NRIP3: variants seen among roughly 807,000 people sequenced by gnomAD.
The protein encoded by NRIP3 is nuclear receptor-interacting protein 3.
In NRIP3, 31 loss-of-function variants were observed where a neutral mutation model predicts 29.0. The ratio of observed to expected loss-of-function variants is 1.07; its 90% CI spans 0.80 to 1.44. NRIP3 has a LOEUF of 1.44. NRIP3 is among the 40% of genes most tolerant of loss of function. The pLI is 0.00. For missense variants in NRIP3, 314 were observed against 297.9 expected (o/e 1.05, Z -0.40); for synonymous variants, 131 against 118.3 (o/e 1.11, Z -0.70).
At chr11:8,984,262 ATTT>A (rs1054718442) in intron 4 of NRIP3, 138 bp from the exon 5 acceptor site, 5 of 487,082 alleles carry the variant, frequency 1.0e-5, no homozygotes, top group Non-Finnish European at 1.8e-5. Context: ...TTTTTTTTTT[ATTT>A]TTTTTTTATT....
Position 8,982,959 on chromosome 11 carries a change from C to T in NRIP3, c.*586G>A, listed in dbSNP as rs913833328. 6.6e-6 allele frequency: 3 copies of T among 456,286 alleles called. No homozygotes were observed. The highest frequency in any genetic ancestry group is 8.8e-6 in the Non-Finnish European group (2 of 226,926). The allele number at this position is 456,286 out of a possible 1,614,324, so 28.3% of individuals were successfully genotyped here. The stretch of plus-strand genomic sequence containing the variant: ...GTTCTTGGTCCCTTCAGTCACTGAC[C>T]TAATATATGAACTTAGACAATTCAC... On this transcript the variant is annotated 3_prime_UTR_variant, in exon 7 of 7. Transcript: ENST00000309166.
chr11:8,984,103 G>A lies in NRIP3; in HGVS notation c.584C>T (p.Ser195Phe). Residue 195 changes from serine (S) to phenylalanine (F), a missense_variant, in exon 5 of 7, where the codon TCC (serine) becomes TTC (phenylalanine). Ser to Phe is a radical substitution (Grantham distance 155). Coordinates refer to ENST00000309166, the MANE Select transcript of NRIP3 (RefSeq NM_020645.3). ...AGATCGGAGAGTCTGTAGACCAAGG[G>A]ACAAGTTTTTCTCATTGTCATCTAA... ...AVVDDNEKNL[S>F]LGLQTLRSLK... 9 of 1,612,624 alleles carry A rather than the reference G, an allele frequency of 5.6e-6. No homozygotes were observed. The highest frequency in any genetic ancestry group is 7.6e-6 in the Non-Finnish European group (9 of 1,178,748).
intron 1 of NRIP3, among the ~76,000 whole-genome samples, chr11:8,991,813 T>C (rs574216630): frequency 6.6e-6 from 1 of 152,222 alleles, no homozygotes; most frequent in Non-Finnish European, 1.5e-5. Context: ...CATAGCCATA[T>C]GACTGAGTTC....
chr11:9,004,245 C>G (rs1854874525), upstream of NRIP3: 1 of 226,156 alleles, frequency 4.4e-6, no homozygotes, highest in East Asian at 9.2e-5. Context: ...CAACCGCCCC[C>G]TCCTGCGTGG....
rs1234477372 is a variant in NRIP3 at position 8,983,035 on chromosome 11, C to T, written c.*510G>A. 2 of 454,628 alleles carry T rather than the reference C, an allele frequency of 4.4e-6. No individual in the cohort carries two copies. The highest frequency in any genetic ancestry group is 4.4e-6 in the Non-Finnish European group (1 of 226,554). 28.2% of individuals were successfully genotyped at this position (454,628 alleles called of 1,614,324 possible). A position where few individuals can be genotyped will look rare whatever the true frequency, so the allele number is the denominator to read the frequency against. ...AGAGTTAAACTGTAATGGATAATGT[C>T]CCTGGGCTCTTTCACATAATCCATA... On this transcript the variant is annotated 3_prime_UTR_variant, in exon 7 of 7. Coordinates refer to ENST00000309166, the MANE Select transcript of NRIP3 (RefSeq NM_020645.3).
intron 1 of NRIP3, among the ~76,000 whole-genome samples, chr11:8,989,236 A>G (rs1854561771): frequency 6.6e-6 from 1 of 152,236 alleles, no homozygotes; most frequent in South Asian, 2.1e-4. Context: ...AAAGTTTAAG[A>G]TATCTCTTGA....
In NRIP3 at chr11:8,988,280, T is replaced by A. The variant is rs777904375; in HGVS notation, c.177A>T (p.Gln59His). ...GGCGCCTCTGCAGAATATTATGAGG[T>A]TGCTTGAGGGATAGAAAGCAGAGAC... ...LKKLGSSKDM[Q>H]PHNILQRRLM... The change falls in exon 2 of 7, where the codon CAA (glutamine) becomes CAT (histidine). Residue 59 changes from glutamine (Q) to histidine (H), a missense_variant and splice_region_variant. Gln to His is a conservative substitution (Grantham distance 24). Transcript: ENST00000309166. 62 of 1,612,560 alleles carry A rather than the reference T, an allele frequency of 3.8e-5. No individual in the cohort carries two copies. The highest frequency in any genetic ancestry group is 5.3e-5 in the Non-Finnish European group (62 of 1,179,062).
chr11:9,001,891 G>A lies in NRIP3; in HGVS notation c.174+1871C>T, dbSNP rs1028479743. Among the ~76,000 whole-genome samples, 91 of 152,216 alleles carry A rather than the reference G, an allele frequency of 6.0e-4. 1 individual carries two copies. Among genetic ancestry groups the A allele is most frequent in the Non-Finnish European group, 1.3e-4 (9 of 68,044 alleles). On this transcript the variant is annotated intron_variant, in intron 1 of 6. Transcript: ENST00000309166. ...TCCATGACGGTGGGGCACAGAAAGC[G>A]TGAACCATGATTCAGAGCCTTACAG...
chr11:8,996,818 G>A (rs1451224220), intron 1 of NRIP3, among the ~76,000 whole-genome samples: 5 of 152,200 alleles, frequency 3.3e-5, no homozygotes, highest in Non-Finnish European at 5.9e-5. Context: ...ACTTTGGGAG[G>A]CTGAGGCAGG....
At chr11:8,992,775 G>A (rs1187688118) in intron 1 of NRIP3, among the ~76,000 whole-genome samples, 2 of 152,030 alleles carry the variant, frequency 1.3e-5, no homozygotes, top group African/African-American at 2.4e-5. Context: ...TTAGCCGGGC[G>A]TGGTGGTGGG....
chr11:8,983,721 T>C (rs1226379210), intron 6 of NRIP3, 154 bp downstream of exon 6: 1 of 861,796 alleles, frequency 1.2e-6, no homozygotes, highest in Admixed American at 2.0e-5. Context: ...TTTTGTGGGG[T>C]GATGAACTCT....
chr11:8,990,393 TG>T (rs1307870488), intron 1 of NRIP3, among the ~76,000 whole-genome samples: 1 of 152,244 alleles, frequency 6.6e-6, no homozygotes, highest in African/African-American at 2.4e-5. Flanking sequence ...CTAGTGCATT[TG>T]GCCCTGCTGA....
intron 3 of NRIP3, 88 bp downstream of exon 3, chr11:8,987,460 G>C (rs1182706943): frequency 8.3e-6 from 8 of 959,476 alleles, no homozygotes; most frequent in Non-Finnish European, 1.4e-5. Flanking sequence ...AGCTGCTGTA[G>C]AGACCCTCAC....
intron 1 of NRIP3, among the ~76,000 whole-genome samples, chr11:8,996,300 G>A (rs77091770): frequency 6.3e-5 from 1 of 15,866 alleles, no homozygotes; most frequent in South Asian, 1.3e-3. Context: ...TTTTTTTTTT[G>A]AGATGGAGTC....
rs756053855 is a variant in NRIP3 at position 8,983,971 on chromosome 11, T to C, written c.616-2A>G. On this transcript the variant is annotated splice_acceptor_variant, in intron 5 of 6. Transcript: ENST00000309166. LOFTEE classifies it high-confidence loss of function. Reference sequence around the variant, plus strand: ...GTGCTTATCCAAGTTTATGATGCACTGAAAACAGGTAACTTGTCAGTGATA... The same window carrying C: ...GTGCTTATCCAAGTTTATGATGCACCGAAAACAGGTAACTTGTCAGTGATA... The C allele has an allele frequency of 1.9e-6, 3 of 1,613,698 alleles. No homozygotes were observed. In the Admixed American group the frequency reaches 5.0e-5, roughly 27 times the overall value.
At position 8,983,912 on chromosome 11, in the gene NRIP3, T is replaced by C. The variant is rs1854463360; in HGVS notation, c.673A>G (p.Ile225Val). 1 of 1,614,096 alleles carries C rather than the reference T, an allele frequency of 6.2e-7. No homozygotes were observed. Among genetic ancestry groups the C allele is most frequent in the Non-Finnish European group, 8.5e-7 (1 of 1,180,044 alleles). Residue 225 changes from isoleucine to valine, a missense_variant, in exon 6 of 7, where the codon ATC becomes GTC. Physicochemically the swap from Ile to Val is conservative, Grantham distance 29. Coordinates refer to ENST00000309166, the MANE Select transcript of NRIP3 (RefSeq NM_020645.3). ...LIMGKTDKEE[I>V]PFVETVSLNE... ...AAAGAGACTGTCTCCACAAAAGGGATTTCTTCCTTGTCTGTCTTCCCCATG... is the reference window on the plus strand; with the variant it reads ...AAAGAGACTGTCTCCACAAAAGGGACTTCTTCCTTGTCTGTCTTCCCCATG...
rs1454457520 is a variant in NRIP3, at chr11:8,982,812, T to C, written c.*733A>G. ...TCCTAGCATCCATCTCCAGAGAATA[T>C]TCCTCCCATGCTCTGCCTTTTTTTT... On this transcript the variant is annotated 3_prime_UTR_variant, in exon 7 of 7. Transcript: ENST00000309166. 2.8e-6 allele frequency: 1 copy of C among 355,538 alleles called. No homozygotes were observed. The highest frequency in any genetic ancestry group is 5.5e-6 in the Non-Finnish European group (1 of 183,344). 22.0% of individuals were successfully genotyped at this position (355,538 alleles called of 1,614,324 possible). A position where few individuals can be genotyped will look rare whatever the true frequency, so the allele number is the denominator to read the frequency against.
chr11:8,997,355 C>CAAAAAAA (rs11324721), intron 1 of NRIP3, among the ~76,000 whole-genome samples: 11 of 100,854 alleles, frequency 1.1e-4, no homozygotes, highest in African/African-American at 4.3e-4. Flanking sequence ...GACTCCGTCT[C>CAAAAAAA]AAAAAAAAAA....
At chr11:9,002,620 G>GAAAAAAAAA (rs1555232137) in intron 1 of NRIP3, among the ~76,000 whole-genome samples, 1 of 113,128 alleles carries the variant, frequency 8.8e-6, no homozygotes. Flanking sequence ...AAAAAAAAAG[G>GAAAAAAAAA]AAATGGATGC....
Sources: gnomAD v4.1 joint callset for allele counts (sites outside exome capture counted in the v4.1 genomes callset) on GRCh38, gnomAD v4.1.1 for gene constraint, MANE v1.5 for transcripts, NCBI Gene and HGNC (gene_info 2026-07-23, HGNC 2026-07-21) for gene names.